Variants in RAPGEF5 observed in about 807,000 individuals in gnomAD.
RAPGEF5 encodes the protein M-Ras-regulated GEF.
In RAPGEF5, 65 loss-of-function variants were observed where a neutral mutation model predicts 125.2. The ratio of observed to expected loss-of-function variants is 0.52; its 90% CI spans 0.43 to 0.64. The LOEUF (loss-of-function observed/expected upper bound fraction) is 0.64, where lower values mean the gene tolerates loss of function less well. Ranked by LOEUF, RAPGEF5 falls within the 30% of genes least tolerant of loss-of-function variation. RAPGEF5 has a pLI of 0.00. For synonymous variants in RAPGEF5, 391 were observed against 385.9 expected (o/e 1.01, Z -0.16); for missense variants, 958 against 1,048.1 (o/e 0.91, Z 1.19).
chr7:22,221,079 A>T (rs1785776061), intron 8 of RAPGEF5, among the ~76,000 whole-genome samples: 1 of 152,224 alleles, frequency 6.6e-6, no homozygotes, highest in Non-Finnish European at 1.5e-5. Context: ...TTTATCTAGC[A>T]GTTTGTCGAA....
intron 1 of RAPGEF5, among the ~76,000 whole-genome samples, chr7:22,332,406 A>G (rs62447101): frequency 0.22 from 33,593 of 152,156 alleles, 3,783 homozygotes; most frequent in Admixed American, 0.24. Flanking sequence ...CCAATGTTTT[A>G]TTTTTACATA....
At position 22,291,208 on chromosome 7, in the gene RAPGEF5, G is replaced by A. The variant is rs2128147618; in HGVS notation, c.714C>T (p.Ser238=). 2.5e-6 allele frequency: 4 copies of A among 1,580,074 alleles called. No individual in the cohort carries two copies. Among genetic ancestry groups the A allele is most frequent in the South Asian group, 1.2e-5 (1 of 84,570 alleles). ...TTAGACGCACAAGAATTTCATCACT[G>A]CTTTCTTCGGAGTCTTCAATTTTCT... ...SHQKIEDSEE[S]SDEILVRLTS... The change falls in exon 6 of 26, where the codon AGC becomes AGT. Residue 238 remains serine (S), a synonymous_variant. Transcript: ENST00000665637.
rs1253649673 is a variant in RAPGEF5 at position 22,125,517 on chromosome 7, T to C, written c.2536+87A>G. On this transcript the variant is annotated intron_variant, in intron 25 of 25. Transcript: ENST00000665637. ...TACATATGATACTTTTCAATCTGTT[T>C]AAATTGATTACCACCCAATACTTGT... 3.1e-6 allele frequency: 4 copies of C among 1,276,154 alleles called. No homozygotes were observed. The African/African-American group carries it at 5.9e-5, about 19-fold the overall frequency. 79.1% of individuals were successfully genotyped at this position (1,276,154 alleles called of 1,614,324 possible). A position where few individuals can be genotyped will look rare whatever the true frequency, so the allele number is the denominator to read the frequency against.
intron 25 of RAPGEF5, 136 bp from the exon 26 acceptor site, chr7:22,122,657 C>G: frequency 1.6e-6 from 1 of 630,016 alleles, no homozygotes; most frequent in Non-Finnish European, 2.8e-6. Context: ...TAAGAGGTGT[C>G]CTTGTCCTAC....
chr7:22,271,414 G>A (rs1782423429), intron 6 of RAPGEF5, among the ~76,000 whole-genome samples: 2 of 152,180 alleles, frequency 1.3e-5, no homozygotes, highest in Admixed American at 1.3e-4. Context: ...TAATTCATTT[G>A]TAAAGGAACG....
At chr7:22,202,485 C>T (rs1785301613) in intron 9 of RAPGEF5, among the ~76,000 whole-genome samples, 1 of 152,186 alleles carries the variant, frequency 6.6e-6, no homozygotes. Flanking sequence ...TATGCATCTT[C>T]TGGGACTTTT....
At chr7:22,300,447 T>C (rs1783171183) in intron 5 of RAPGEF5, among the ~76,000 whole-genome samples, 1 of 152,230 alleles carries the variant, frequency 6.6e-6, no homozygotes, top group South Asian at 2.1e-4. Flanking sequence ...AGACATTAAT[T>C]GCTTTTCCTT....
chr7:22,122,373 G>T lies in RAPGEF5; in HGVS notation c.*33C>A. The T allele has an allele frequency of 6.6e-7, 1 of 1,513,026 alleles. No homozygotes were observed. Among genetic ancestry groups the T allele is most frequent in the Non-Finnish European group, 9.2e-7 (1 of 1,090,190 alleles). 93.7% of individuals were successfully genotyped at this position (1,513,026 alleles called of 1,614,324 possible). A position where few individuals can be genotyped will look rare whatever the true frequency, so the allele number is the denominator to read the frequency against. On this transcript the variant is annotated 3_prime_UTR_variant, in exon 26 of 26. Transcript: ENST00000665637. ...CATAGACATTCCCGTAGCTCAAAGT[G>T]CTGCAGATACAGGGGAGGTGAGGCA...
rs76450311 is a variant in RAPGEF5 at position 22,217,668 on chromosome 7, C to T, written c.996+2198G>A. On this transcript the variant is annotated intron_variant, in intron 9 of 25. Coordinates refer to ENST00000665637, the MANE Select transcript of RAPGEF5 (RefSeq NM_012294.5). Reference sequence around the variant, plus strand: ...TATTTATCACTAGAAAGAAAGATCCCTAATATTCCTTTCCTTATTTTAAGC... The same window carrying T: ...TATTTATCACTAGAAAGAAAGATCCTTAATATTCCTTTCCTTATTTTAAGC... Among the ~76,000 whole-genome samples the T allele has an allele frequency of 4.5e-4, 69 of 152,252 alleles. No individual in the cohort carries two copies. The East Asian group carries it at 0.012, about 26-fold the overall frequency.
At chr7:22,179,767 G>A (rs1307264248) in intron 11 of RAPGEF5, among the ~76,000 whole-genome samples, 2 of 152,112 alleles carry the variant, frequency 1.3e-5, no homozygotes, top group African/African-American at 2.4e-5. Context: ...TGATACAATC[G>A]CATGCTAAAA....
intron 6 of RAPGEF5, among the ~76,000 whole-genome samples, chr7:22,277,245 T>C (rs533858136): frequency 5.9e-5 from 9 of 152,296 alleles, no homozygotes; most frequent in Admixed American, 5.9e-4. Context: ...ACGTCAGAGG[T>C]ATCAATCAAC....
intron 25 of RAPGEF5, 183 bp downstream of exon 25, chr7:22,125,420 CT>C: frequency 1.8e-6 from 1 of 559,230 alleles, no homozygotes; most frequent in South Asian, 2.2e-5. Flanking sequence ...TCTTGTCTTC[CT>C]CTGCATCCCC....
intron 11 of RAPGEF5, among the ~76,000 whole-genome samples, chr7:22,170,276 A>T (rs1434080511): frequency 6.6e-6 from 1 of 152,158 alleles, no homozygotes; most frequent in South Asian, 2.1e-4. Flanking sequence ...GCTGGTCTCA[A>T]ACTCTTGGCC....
chr7:22,351,703 C>T (rs1859740), intron 1 of RAPGEF5, among the ~76,000 whole-genome samples: 19,568 of 152,116 alleles, frequency 0.13, 1,428 homozygotes, highest in Admixed American at 0.18. Flanking sequence ...TCAATTTAAA[C>T]ACAAAGAATA....
chr7:22,257,174 G>C (rs1786782993), intron 7 of RAPGEF5, among the ~76,000 whole-genome samples: 1 of 152,240 alleles, frequency 6.6e-6, no homozygotes, highest in Middle Eastern at 3.4e-3. Context: ...AGATAGTAGG[G>C]TAATCAATTC....
At chr7:22,342,852 A>G (rs1463382035) in intron 1 of RAPGEF5, among the ~76,000 whole-genome samples, 1 of 152,158 alleles carries the variant, frequency 6.6e-6, no homozygotes, top group African/African-American at 2.4e-5. Flanking sequence ...AAACCATTCA[A>G]CAAGTCTCTA....
At chr7:22,156,578 T>C (rs1471870493) in intron 16 of RAPGEF5, among the ~76,000 whole-genome samples, 1 of 152,264 alleles carries the variant, frequency 6.6e-6, no homozygotes, top group Non-Finnish European at 1.5e-5. Flanking sequence ...TTGTCTCCTT[T>C]CCTTGCTTCC....
At chr7:22,131,279 A>C (rs1445393200) in intron 23 of RAPGEF5, among the ~76,000 whole-genome samples, 178 bp from the exon 24 acceptor site, 1 of 152,170 alleles carries the variant, frequency 6.6e-6, no homozygotes, top group East Asian at 1.9e-4. Context: ...AAAGTGCATA[A>C]TTTATGTGTG....
At chr7:22,281,166 G>A (rs1332107277) in intron 6 of RAPGEF5, among the ~76,000 whole-genome samples, 1 of 152,090 alleles carries the variant, frequency 6.6e-6, no homozygotes, top group African/African-American at 2.4e-5. Context: ...AATTGCCATG[G>A]GTCTTCCTAT....
Sources: gnomAD v4.1 joint callset for allele counts (sites outside exome capture counted in the v4.1 genomes callset) on GRCh38, gnomAD v4.1.1 for gene constraint, MANE v1.5 for transcripts, NCBI Gene and HGNC (gene_info 2026-07-23, HGNC 2026-07-21) for gene names.